The following CACNA1H variants were observed in gnomAD, a reference collection of about 807,000 sequenced individuals.
CACNA1H encodes voltage-dependent T-type calcium channel subunit alpha-1H.
In CACNA1H, 149 loss-of-function variants were observed where a neutral mutation model predicts 192.5. The ratio of observed to expected loss-of-function variants is 0.77; its 90% CI spans 0.68 to 0.89. The LOEUF is 0.89. Ranked by LOEUF, CACNA1H falls within the 40% of genes least tolerant of loss-of-function variation. CACNA1H has a pLI of 0.00. For missense variants in CACNA1H, 4,257 were observed against 3,423.5 expected, an observed-to-expected ratio of 1.24 and a Z score of -6.08; for synonymous variants, 2,202 against 1,475.2, an observed-to-expected ratio of 1.49 and a Z score of -11.29.
intron 12 of CACNA1H, 195 bp downstream of exon 12, chr16:1,206,484 G>A (rs1162086189): frequency 1.7e-6 from 1 of 593,214 alleles, no homozygotes; most frequent in Non-Finnish European, 3.0e-6. Context: ...TGTTAGACAT[G>A]CAGGGAGTCA....
intron 2 of CACNA1H, among the ~76,000 whole-genome samples, chr16:1,163,154 G>C (rs918826068): frequency 9.2e-5 from 14 of 152,220 alleles, no homozygotes; most frequent in Admixed American, 2.0e-4. Context: ...CTGGGGAGCC[G>C]ATCCTGGGTC....
At chr16:1,199,983 C>T (rs1040075130) in intron 6 of CACNA1H, among the ~76,000 whole-genome samples, 2 of 152,118 alleles carry the variant, frequency 1.3e-5, no homozygotes, top group East Asian at 1.9e-4. Context: ...GTGTGTTTGT[C>T]TCTGTGGACT....
At chr16:1,215,847 C>T (rs113064393) in intron 30 of CACNA1H, among the ~76,000 whole-genome samples, 2 of 152,260 alleles carry the variant, frequency 1.3e-5, no homozygotes, top group African/African-American at 4.8e-5. Flanking sequence ...CTTCCAGAGG[C>T]GGGGGCCGTG....
Position 1,220,431 on chromosome 16 carries a change from G to T in CACNA1H, c.6499G>T (p.Glu2167Ter). The T allele has an allele frequency of 6.5e-7, 1 of 1,535,692 alleles. No homozygotes were observed. The change falls in exon 35 of 35, where the codon GAG (glutamate) becomes TAG (stop). Residue 2167 changes from glutamate to a stop codon, truncating the protein, a stop_gained. Transcript: ENST00000348261. LOFTEE classifies it low-confidence loss of function (END_TRUNC). ...SAELGSGEPG[E>*]AKAWGPEAEP... ...GGAGCTGGGCAGCGGGGAGCCTGGGGAGGCGAAGGCCTGGGGCCCTGAGGC... is the reference window on the plus strand; with the variant it reads ...GGAGCTGGGCAGCGGGGAGCCTGGGTAGGCGAAGGCCTGGGGCCCTGAGGC...
rs1394873664 is a variant in CACNA1H at position 1,202,025 on chromosome 16, C to T, written c.1575C>T (p.His525=). 3.3e-6 allele frequency: 5 copies of T among 1,537,682 alleles called. No homozygotes were observed. The highest frequency in any genetic ancestry group is 3.9e-5 in the Admixed American group (2 of 50,842). The change falls in exon 9 of 35, where the codon CAC becomes CAT. Residue 525 remains histidine (H), a synonymous_variant. Transcript: ENST00000348261. ...HHLVYHHHHH[H]HHHYHFSHGS... ...TGGTCTACCACCACCATCACCACCACCACCACCACTACCATTTCAGCCATG... is the reference window on the plus strand; with the variant it reads ...TGGTCTACCACCACCATCACCACCATCACCACCACTACCATTTCAGCCATG...
Position 1,213,848 on chromosome 16 carries a change from A to G in CACNA1H, c.4846A>G (p.Ser1616Gly). Residue 1616 changes from serine (S) to glycine (G), a missense_variant, in exon 27 of 35, where the codon AGC (serine) becomes GGC (glycine). Transcript: ENST00000348261. ...TRRSIHSLCT[S>G]HYLDLFITFI... ...CCGCTCCATTCACTCGCTGTGCACCAGCCACTATCTCGACCTCTTCATCAC... is the reference window on the plus strand; with the variant it reads ...CCGCTCCATTCACTCGCTGTGCACCGGCCACTATCTCGACCTCTTCATCAC... 6.2e-7 allele frequency: 1 copy of G among 1,607,626 alleles called. No individual in the cohort carries two copies. The highest frequency in any genetic ancestry group is 8.5e-7 in the Non-Finnish European group (1 of 1,177,576).
chr16:1,218,719 G>T, intron 33 of CACNA1H, 68 bp downstream of exon 33: 1 of 1,398,272 alleles, frequency 7.2e-7, no homozygotes. Flanking sequence ...GGGGGCAGGT[G>T]GGAGGGAGGA....
In CACNA1H at chr16:1,167,857, C is replaced by G. The variant is rs1000593686; in HGVS notation, c.299+13821C>G. ...TTGGGGCGTGGCCTGGCCGTCCGTC[C>G]GCGGGGCCCGGGCTGCCCATGGCAG... On this transcript the variant is annotated intron_variant, in intron 2 of 34. Transcript: ENST00000348261. The surrounding 1 kb of genome is among the most constrained non-coding windows in gnomAD (Gnocchi z 4.2). 3.3e-5 allele frequency among the ~76,000 whole-genome samples: 5 copies of G among 152,192 alleles called. No individual in the cohort carries two copies. Among genetic ancestry groups the G allele is most frequent in the Non-Finnish European group, 7.4e-5 (5 of 68,020 alleles).
At position 1,200,701 on chromosome 16, in the gene CACNA1H, C is replaced by T; in HGVS notation, c.1120-15C>T. On this transcript the variant is annotated splice_polypyrimidine_tract_variant and intron_variant, in intron 7 of 34. Transcript: ENST00000348261. The stretch of plus-strand genomic sequence containing the variant: ...AGGGGTCGTGCGGGCCCAAGTCAAG[C>T]CACTGCCCCCCCAGGTGATCACGCT... The T allele has an allele frequency of 6.4e-7, 1 of 1,564,952 alleles. No homozygotes were observed.
intron 2 of CACNA1H, among the ~76,000 whole-genome samples, chr16:1,194,363 G>A (rs895371057): frequency 6.6e-6 from 1 of 152,320 alleles, no homozygotes; most frequent in East Asian, 1.9e-4. Flanking sequence ...TCCACAGTCA[G>A]CTGACGGATT....
At chr16:1,207,527 T>C (rs550548884) in intron 14 of CACNA1H, 97 bp downstream of exon 14, 3 of 1,325,796 alleles carry the variant, frequency 2.3e-6, no homozygotes, top group Admixed American at 4.0e-5. Context: ...TGCCAAGAGG[T>C]GAGGGATAGA....
chr16:1,196,067 G>GGACACGCAAGCCTGT, intron 5 of CACNA1H, 44 bp downstream of exon 5: 1 of 1,478,320 alleles, frequency 6.8e-7, no homozygotes, highest in Non-Finnish European at 9.5e-7. Flanking sequence ...ACAGGCTTGC[G>GGACACGCAAGCCTGT]TGTCCGCCAG....
chr16:1,206,582 G>A, intron 12 of CACNA1H: 1 of 484,328 alleles, frequency 2.1e-6, no homozygotes, highest in Non-Finnish European at 3.7e-6. Flanking sequence ...CAGGCACCAG[G>A]CTCCAACTGG....
intron 4 of CACNA1H, 135 bp from the exon 5 acceptor site, chr16:1,195,791 C>A: frequency 1.1e-6 from 1 of 890,210 alleles, no homozygotes; most frequent in East Asian, 2.6e-5. Context: ...CCTCGGGGCC[C>A]TTCCTGGCCA....
At chr16:1,155,063 C>T (rs1962133694) in intron 2 of CACNA1H, among the ~76,000 whole-genome samples, 2 of 152,218 alleles carry the variant, frequency 1.3e-5, no homozygotes, top group Non-Finnish European at 2.9e-5. Flanking sequence ...CAGGAGCGGC[C>T]TGTGTACACT....
intron 26 of CACNA1H, among the ~76,000 whole-genome samples, chr16:1,213,221 G>A (rs535699219): frequency 4.1e-4 from 62 of 152,342 alleles, no homozygotes; most frequent in Middle Eastern, 3.4e-3. Context: ...CCAGAGGAGG[G>A]CAGGTTACAC....
At position 1,195,529 on chromosome 16, in the gene CACNA1H, C is replaced by A. The variant is rs1184871365; in HGVS notation, c.509C>A (p.Thr170Lys). The A allele has an allele frequency of 1.9e-6, 3 of 1,605,724 alleles. No individual in the cohort carries two copies. The East Asian group carries it at 6.7e-5, about 36-fold the overall frequency. Residue 170 changes from threonine to lysine, a missense_variant, in exon 4 of 35, where the codon ACG becomes AAG. Thr to Lys is a moderately conservative substitution (Grantham distance 78, BLOSUM62 -1). Coordinates refer to ENST00000348261, the MANE Select transcript of CACNA1H (RefSeq NM_021098.3). ...LFGQKCYLGD[T>K]WNRLDFFIVV... The stretch of plus-strand genomic sequence containing the variant: ...GGGCAGAAGTGTTACCTGGGTGACA[C>A]GTGGAACAGGCTGGATTTCTTCATC...
In CACNA1H at chr16:1,203,672, G is replaced by A. The variant is rs1053703565; in HGVS notation, c.2003-338G>A. On this transcript the variant is annotated intron_variant, in intron 9 of 34. Coordinates refer to ENST00000348261, the MANE Select transcript of CACNA1H (RefSeq NM_021098.3). Reference sequence around the variant, plus strand: ...GAGGCTCTAGGGGAGAACTCTCCTCGCCTCTCCTAAGTTCTGGCGGTTTTG... The same window carrying A: ...GAGGCTCTAGGGGAGAACTCTCCTCACCTCTCCTAAGTTCTGGCGGTTTTG... Among the ~76,000 whole-genome samples, 7 of 152,154 alleles carry A rather than the reference G, an allele frequency of 4.6e-5. No homozygotes were observed. The South Asian group carries it at 1.2e-3, about 27-fold the overall frequency.
Position 1,212,078 on chromosome 16 carries a change from G to T in CACNA1H, c.4699G>T (p.Ala1567Ser). 1 of 1,612,690 alleles carries T rather than the reference G, an allele frequency of 6.2e-7. No individual in the cohort carries two copies. Among genetic ancestry groups the T allele is most frequent in the Non-Finnish European group, 8.5e-7 (1 of 1,179,642 alleles). ...CCACAAGTGCCGGCAGCACCAGGAGGCGGAGGAGGCGCGGCGGCGAGAGGA... is the reference window on the plus strand; with the variant it reads ...CCACAAGTGCCGGCAGCACCAGGAGTCGGAGGAGGCGCGGCGGCGAGAGGA... The part of the protein sequence containing the change: ...NFHKCRQHQE[A>S]EEARRREEKR... Residue 1567 changes from alanine to serine, a missense_variant, in exon 25 of 35, where the codon GCG (alanine) becomes TCG (serine). Coordinates refer to ENST00000348261, the MANE Select transcript of CACNA1H (RefSeq NM_021098.3).
Sources: gnomAD v4.1 joint callset for allele counts (sites outside exome capture counted in the v4.1 genomes callset) on GRCh38, gnomAD v4.1.1 for gene constraint, Gnocchi (gnomAD v3.1) non-coding constraint, MANE v1.5 for transcripts, NCBI Gene and HGNC (gene_info 2026-07-23, HGNC 2026-07-21) for gene names.